GRM8: variants seen among roughly 807,000 people sequenced by gnomAD.
The protein encoded by GRM8 is metabotropic glutamate receptor 8.
GRM8 carries 47 observed loss-of-function variants against 87.2 expected under a neutral mutation model. That is an observed-to-expected ratio of 0.54 (90% confidence interval 0.43 to 0.69). The LOEUF (loss-of-function observed/expected upper bound fraction) is 0.69. GRM8 is among the 30% of genes least tolerant of loss of function. The pLI is 0.00. For synonymous variants in GRM8, 396 were observed against 404.5 expected (o/e 0.98, Z 0.25); for missense variants, 1,019 against 1,139.2 (o/e 0.89, Z 1.52).
chr7:126,565,128 C>A (rs542313685), intron 8 of GRM8, among the ~76,000 whole-genome samples: 5 of 152,120 alleles, frequency 3.3e-5, no homozygotes, highest in African/African-American at 1.2e-4. Context: ...GTTGAAAGAT[C>A]GGGACAAAGG....
chr7:126,822,958 A>C (rs956722189), intron 6 of GRM8, among the ~76,000 whole-genome samples: 1 of 152,166 alleles, frequency 6.6e-6, no homozygotes, highest in African/African-American at 2.4e-5. Flanking sequence ...GGGATAGCCT[A>C]CAGGAATTAC....
intron 7 of GRM8, among the ~76,000 whole-genome samples, chr7:126,670,600 C>T (rs1281992638): frequency 6.6e-6 from 1 of 152,124 alleles, no homozygotes; most frequent in Non-Finnish European, 1.5e-5. Flanking sequence ...ATAAGCTATA[C>T]AACTTTAACA....
intron 3 of GRM8, among the ~76,000 whole-genome samples, chr7:126,938,945 C>T (rs1204637404): frequency 6.6e-6 from 1 of 152,162 alleles, no homozygotes. Context: ...CCTAGACTCT[C>T]TAAGCCTCAG....
chr7:126,790,138 G>T (rs1821126228), intron 6 of GRM8, among the ~76,000 whole-genome samples: 1 of 152,076 alleles, frequency 6.6e-6, no homozygotes, highest in Admixed American at 6.6e-5. Context: ...CTCCTGAGGA[G>T]CTGGGATTAC....
At chr7:126,888,488 T>A (rs1800702494) in intron 6 of GRM8, among the ~76,000 whole-genome samples, 1 of 152,132 alleles carries the variant, frequency 6.6e-6, no homozygotes, top group South Asian at 2.1e-4. Flanking sequence ...CAGGATGACC[T>A]CCAAGTTTCC....
chr7:127,148,057 C>T (rs1333822365), intron 2 of GRM8, among the ~76,000 whole-genome samples: 3 of 151,988 alleles, frequency 2.0e-5, no homozygotes, highest in Non-Finnish European at 2.9e-5. Flanking sequence ...GAATCAGATT[C>T]TGTATTTTAA....
At chr7:126,751,775 G>C (rs1816444321) in intron 7 of GRM8, among the ~76,000 whole-genome samples, 1 of 152,184 alleles carries the variant, frequency 6.6e-6, no homozygotes, top group Admixed American at 6.6e-5. Flanking sequence ...TATATAAGCA[G>C]GGCCTAATTT....
intron 7 of GRM8, among the ~76,000 whole-genome samples, chr7:126,666,126 T>G (rs1209353250): frequency 6.6e-6 from 1 of 152,222 alleles, no homozygotes; most frequent in East Asian, 1.9e-4. Context: ...GACGGAAATA[T>G]GAATTGTCAT....
chr7:127,198,161 A>T (rs1435643496), intron 2 of GRM8, among the ~76,000 whole-genome samples: 1 of 152,210 alleles, frequency 6.6e-6, no homozygotes, highest in Non-Finnish European at 1.5e-5. Flanking sequence ...ATAATGATCA[A>T]ATCATGGTAA....
intron 6 of GRM8, among the ~76,000 whole-genome samples, chr7:126,844,897 T>A (rs2237772): frequency 6.6e-6 from 1 of 152,058 alleles, no homozygotes; most frequent in African/African-American, 2.4e-5. Context: ...CTCCAAATAG[T>A]CACATTGGAG....
At chr7:126,521,665 T>A (rs932116303) in intron 9 of GRM8, among the ~76,000 whole-genome samples, 1 of 152,060 alleles carries the variant, frequency 6.6e-6, no homozygotes, top group Non-Finnish European at 1.5e-5. Flanking sequence ...AAGAAAAAAA[T>A]ATTTAGTGAA....
chr7:126,725,005 G>A (rs1215848469), intron 7 of GRM8, among the ~76,000 whole-genome samples: 2 of 152,196 alleles, frequency 1.3e-5, no homozygotes, highest in Non-Finnish European at 2.9e-5. Context: ...GGTTCATGCT[G>A]TGAAAATGAA....
At chr7:127,079,025 G>A (rs1222791415) in intron 3 of GRM8, among the ~76,000 whole-genome samples, 1 of 152,156 alleles carries the variant, frequency 6.6e-6, no homozygotes, top group Non-Finnish European at 1.5e-5. Flanking sequence ...TCCAGATACT[G>A]TTACATCAAG....
chr7:127,058,378 T>C (rs557350839), intron 3 of GRM8, among the ~76,000 whole-genome samples: 2 of 152,318 alleles, frequency 1.3e-5, no homozygotes, highest in South Asian at 4.1e-4. Flanking sequence ...CAGCTTAGAG[T>C]TGGAGGAAAT....
chr7:126,714,734 A>C (rs368383466), intron 7 of GRM8, among the ~76,000 whole-genome samples: 1 of 152,298 alleles, frequency 6.6e-6, no homozygotes, highest in African/African-American at 2.4e-5. Flanking sequence ...TTGGCTCCCC[A>C]AAAAGTTAAC....
chr7:126,590,583 AC>A (rs1796582793), intron 8 of GRM8, among the ~76,000 whole-genome samples: 1 of 152,174 alleles, frequency 6.6e-6, no homozygotes, highest in South Asian at 2.1e-4. Flanking sequence ...CAGGTTGTCT[AC>A]AGTTAAGATG....
At chr7:126,961,499 G>C (rs1809315853) in intron 3 of GRM8, among the ~76,000 whole-genome samples, 2 of 152,166 alleles carry the variant, frequency 1.3e-5, no homozygotes, top group Non-Finnish European at 2.9e-5. Context: ...CATGGGGCCT[G>C]TAAACTATGG....
intron 2 of GRM8, among the ~76,000 whole-genome samples, chr7:127,234,523 A>G (rs1254832113): frequency 6.6e-6 from 1 of 152,236 alleles, no homozygotes; most frequent in Non-Finnish European, 1.5e-5. Context: ...TGCCAGACAG[A>G]ACACTGTTAA....
intron 6 of GRM8, among the ~76,000 whole-genome samples, chr7:126,774,386 T>C (rs1451755577): frequency 6.6e-6 from 1 of 152,198 alleles, no homozygotes; most frequent in African/African-American, 2.4e-5. Context: ...CTAAAGTTAG[T>C]GTTAACGTAT....
Sources: gnomAD v4.1 joint callset for allele counts (sites outside exome capture counted in the v4.1 genomes callset) on GRCh38, gnomAD v4.1.1 for gene constraint, MANE v1.5 for transcripts, NCBI Gene and HGNC (gene_info 2026-07-23, HGNC 2026-07-21) for gene names.